The following ABTB3 variants were observed in gnomAD, a reference collection of about 807,000 sequenced individuals.
ABTB3 encodes the protein ankyrin repeat and BTB domain containing 3, also known as ankyrin repeat- and BTB/POZ domain-containing protein 3.
the ABTB3 span, among the ~76,000 whole-genome samples, chr12:107,409,458 C>T: frequency 6.6e-6 from 1 of 152,246 alleles, no homozygotes; most frequent in African/African-American, 2.4e-5. Context: ...AAGATACATG[C>T]ACCTGTATGT....
At chr12:107,378,062 G>A in the ABTB3 span, among the ~76,000 whole-genome samples, 1 of 152,210 alleles carries the variant, frequency 6.6e-6, no homozygotes, top group African/African-American at 2.4e-5. Flanking sequence ...ACCAAGCCAT[G>A]TGTAAATTTC....
At chr12:107,329,642 G>A in the ABTB3 span, among the ~76,000 whole-genome samples, 1 of 152,206 alleles carries the variant, frequency 6.6e-6, no homozygotes, top group Admixed American at 6.5e-5. Flanking sequence ...GTGATGTCAG[G>A]CAAGTTACCT....
At chr12:107,571,782 C>G in the ABTB3 span, among the ~76,000 whole-genome samples, 1 of 152,244 alleles carries the variant, frequency 6.6e-6, no homozygotes, top group South Asian at 2.1e-4. Flanking sequence ...CTTAACCAGG[C>G]TGGTCTGTGG....
chr12:107,508,438 C>CT, the ABTB3 span, among the ~76,000 whole-genome samples: 2,511 of 69,082 alleles, frequency 0.036, 570 homozygotes, highest in Non-Finnish European at 0.047. Flanking sequence ...AAGATCATTT[C>CT]TTTTTTTTTT....
At chr12:107,618,047 A>G in the ABTB3 span, 3 of 992,134 alleles carry the variant, frequency 3.0e-6, no homozygotes, top group Non-Finnish European at 4.5e-6. Flanking sequence ...TGATCTTGTC[A>G]TCACCCCTCC....
chr12:107,350,496 T>G, the ABTB3 span, among the ~76,000 whole-genome samples: 1 of 149,428 alleles, frequency 6.7e-6, no homozygotes, highest in East Asian at 2.0e-4. Context: ...GAGCTTGCAG[T>G]GGGCCAAGAT....
the ABTB3 span, among the ~76,000 whole-genome samples, chr12:107,450,523 G>A: frequency 6.6e-6 from 1 of 152,130 alleles, no homozygotes; most frequent in Non-Finnish European, 1.5e-5. Flanking sequence ...AAATTCGATT[G>A]AGGGAAATAC....
At chr12:107,617,188 A>C in the ABTB3 span, 1 of 1,614,108 alleles carries the variant, frequency 6.2e-7, no homozygotes, top group Non-Finnish European at 8.5e-7. Context: ...TGTAGGTAAG[A>C]GCTGCTGGTT....
the ABTB3 span, among the ~76,000 whole-genome samples, chr12:107,394,645 T>A: frequency 1.3e-5 from 2 of 152,212 alleles, no homozygotes; most frequent in Non-Finnish European, 2.9e-5. Flanking sequence ...TTACTTAACC[T>A]CTTTGTGCCT....
chr12:107,483,626 G>C, the ABTB3 span, among the ~76,000 whole-genome samples: 1 of 152,134 alleles, frequency 6.6e-6, no homozygotes, highest in Non-Finnish European at 1.5e-5. Context: ...ATTCCCAAAT[G>C]CTTGCCTGAA....
chr12:107,617,759 T>C, the ABTB3 span: 10 of 378,676 alleles, frequency 2.6e-5, no homozygotes, highest in Non-Finnish European at 4.3e-5. Flanking sequence ...TAAAAAATAA[T>C]AAAACCTTTC....
chr12:107,528,974 T>A, the ABTB3 span, among the ~76,000 whole-genome samples: 1 of 151,120 alleles, frequency 6.6e-6, no homozygotes, highest in African/African-American at 2.4e-5. Context: ...GTGACAGAGA[T>A]GATTTTGGTG....
At chr12:107,335,124 C>T in the ABTB3 span, among the ~76,000 whole-genome samples, 1 of 151,464 alleles carries the variant, frequency 6.6e-6, no homozygotes, top group Non-Finnish European at 1.5e-5. Flanking sequence ...CATCTCTATA[C>T]AAAATGTAAA....
chr12:107,353,686 C>G, the ABTB3 span, among the ~76,000 whole-genome samples: 1 of 152,168 alleles, frequency 6.6e-6, no homozygotes, highest in Non-Finnish European at 1.5e-5. Flanking sequence ...CTGAGTGGCA[C>G]AGCAGGAGGT....
the ABTB3 span, among the ~76,000 whole-genome samples, chr12:107,422,339 A>C: frequency 6.6e-6 from 1 of 152,176 alleles, no homozygotes; most frequent in African/African-American, 2.4e-5. Flanking sequence ...CCAGATCTGC[A>C]AGGCCTTACA....
the ABTB3 span, among the ~76,000 whole-genome samples, chr12:107,602,589 A>G: frequency 6.6e-6 from 1 of 152,242 alleles, no homozygotes; most frequent in Middle Eastern, 3.2e-3. Context: ...AGAAAACTGA[A>G]CAATAAAGTG....
At chr12:107,466,338 G>C in the ABTB3 span, among the ~76,000 whole-genome samples, 5 of 152,014 alleles carry the variant, frequency 3.3e-5, no homozygotes, top group Admixed American at 6.6e-5. Flanking sequence ...TGAGAAGGTG[G>C]GGCGCTTGGG....
the ABTB3 span, among the ~76,000 whole-genome samples, chr12:107,444,121 G>C: frequency 0.014 from 2,060 of 152,354 alleles, 20 homozygotes; most frequent in South Asian, 0.021. Context: ...AGGAACCCTG[G>C]AATTTGAGAT....
At chr12:107,597,115 T>C in the ABTB3 span, among the ~76,000 whole-genome samples, 4 of 152,314 alleles carry the variant, frequency 2.6e-5, no homozygotes, top group African/African-American at 9.6e-5. Context: ...ACCAGACTCA[T>C]AGATGAAACC....
Sources: gnomAD v4.1 joint callset for allele counts (sites outside exome capture counted in the v4.1 genomes callset) on GRCh38, gnomAD v4.1.1 for gene constraint, MANE v1.5 for transcripts, NCBI Gene and HGNC (gene_info 2026-07-23, HGNC 2026-07-21) for gene names.